Variants in HPSE2 observed in about 807,000 individuals in gnomAD.
HPSE2 encodes heparanase 2 (inactive), also known as inactive heparanase-2.
A neutral mutation model predicts 60.5 loss-of-function variants in HPSE2; 38 were observed. That is an observed-to-expected ratio of 0.63 (90% confidence interval 0.48 to 0.82). The LOEUF (loss-of-function observed/expected upper bound fraction) is 0.82. Among genes scored for constraint, HPSE2 ranks in the 40% least tolerant of loss-of-function variants. The probability of loss-of-function intolerance (pLI) is 0.00; values close to 1 mark genes in which losing one functional copy is unlikely to be tolerated. For missense variants in HPSE2, 713 were observed against 740.4 expected (o/e 0.96, Z 0.43); for synonymous variants, 295 against 293.2 (o/e 1.01, Z -0.06).
the HPSE2 span, among the ~76,000 whole-genome samples, chr10:99,287,029 A>G: frequency 6.6e-5 from 10 of 152,132 alleles, no homozygotes; most frequent in African/African-American, 2.4e-4. Flanking sequence ...ACCTCTCACA[A>G]ACAACATAAT....
chr10:98,748,386 T>G (rs2134344018), intron 3 of HPSE2, among the ~76,000 whole-genome samples: 1 of 152,274 alleles, frequency 6.6e-6, no homozygotes, highest in South Asian at 2.1e-4. Flanking sequence ...TATAGAGAAT[T>G]TAGTAGATAT....
At chr10:99,185,338 A>G (rs1022527794) in intron 2 of HPSE2, among the ~76,000 whole-genome samples, 2 of 152,016 alleles carry the variant, frequency 1.3e-5, no homozygotes, top group African/African-American at 2.4e-5. Flanking sequence ...CTTCTAAACT[A>G]AATGAAAACT....
At chr10:98,693,806 T>TA in intron 6 of HPSE2, 94 bp downstream of exon 6, 1 of 1,048,526 alleles carries the variant, frequency 9.5e-7, no homozygotes, top group Non-Finnish European at 1.5e-6. Context: ...GAAGGATAGC[T>TA]TATTAAATGT....
At chr10:98,878,326 G>A (rs1451768806) in intron 3 of HPSE2, among the ~76,000 whole-genome samples, 1 of 151,952 alleles carries the variant, frequency 6.6e-6, no homozygotes, top group Non-Finnish European at 1.5e-5. Context: ...TGTTTATGCT[G>A]AGACTTGAAA....
chr10:98,816,971 G>A (rs2134594729), intron 3 of HPSE2, among the ~76,000 whole-genome samples: 1 of 152,196 alleles, frequency 6.6e-6, no homozygotes, highest in Admixed American at 6.5e-5. Context: ...GGAATCGGAT[G>A]AGGTACCTAC....
At chr10:98,508,818 A>G (rs1489723600) in intron 9 of HPSE2, among the ~76,000 whole-genome samples, 1 of 152,224 alleles carries the variant, frequency 6.6e-6, no homozygotes, top group Non-Finnish European at 1.5e-5. Flanking sequence ...AGACCAATTC[A>G]GCTGGAGCTC....
the HPSE2 span, among the ~76,000 whole-genome samples, chr10:99,314,690 TTATAA>T: frequency 6.6e-6 from 1 of 152,230 alleles, no homozygotes; most frequent in South Asian, 2.1e-4. Context: ...ATCTGTGCAC[TTATAA>T]TAGTATTAGT....
chr10:98,487,643 C>CT (rs1391444452), intron 10 of HPSE2, among the ~76,000 whole-genome samples: 20 of 152,342 alleles, frequency 1.3e-4, no homozygotes, highest in Admixed American at 1.3e-3. Flanking sequence ...TTAATAGACA[C>CT]TTTCTCTGGA....
chr10:98,932,519 G>T (rs2135114300), intron 3 of HPSE2, among the ~76,000 whole-genome samples: 1 of 143,340 alleles, frequency 7.0e-6, no homozygotes, highest in South Asian at 2.1e-4. Context: ...CTTCACAATT[G>T]TTTGGAATAG....
chr10:99,010,973 C>A (rs1956999155), intron 3 of HPSE2, among the ~76,000 whole-genome samples: 1 of 150,494 alleles, frequency 6.6e-6, no homozygotes, highest in South Asian at 2.1e-4. Flanking sequence ...AACCTAGTAC[C>A]CATCAGTTAT....
At chr10:99,132,960 C>T (rs182946715) in intron 3 of HPSE2, among the ~76,000 whole-genome samples, 1 of 152,304 alleles carries the variant, frequency 6.6e-6, no homozygotes, top group African/African-American at 2.4e-5. Context: ...GTCCCACCCC[C>T]ACAGAGCCCA....
chr10:98,491,159 A>G (rs1941629075), intron 9 of HPSE2, among the ~76,000 whole-genome samples: 1 of 152,084 alleles, frequency 6.6e-6, no homozygotes, highest in Non-Finnish European at 1.5e-5. Context: ...AAAGACATCA[A>G]TCGTGATTTA....
Position 99,207,023 on chromosome 10 carries a change from G to A in HPSE2, c.448+25325C>T, listed in dbSNP as rs1848772018. ...AATAGCAGAATATTTTCCAAATCTA[G>A]AGAAAGATATAAATATCCAGGCACA... On this transcript the variant is annotated intron_variant, in intron 2 of 11. Coordinates refer to ENST00000370552, the MANE Select transcript of HPSE2 (RefSeq NM_021828.5). 2.6e-5 allele frequency among the ~76,000 whole-genome samples: 4 copies of A among 152,194 alleles called. No individual in the cohort carries two copies. The South Asian group carries it at 8.3e-4, about 32-fold the overall frequency.
chr10:98,852,266 C>T (rs1279788220), intron 3 of HPSE2, among the ~76,000 whole-genome samples: 11 of 151,966 alleles, frequency 7.2e-5, no homozygotes, highest in South Asian at 2.1e-4. Context: ...GAATCTCTCT[C>T]ACTCTGACCT....
chr10:99,184,819 T>TATATATATATAGAG (rs1554912295), intron 2 of HPSE2, among the ~76,000 whole-genome samples: 5 of 19,858 alleles, frequency 2.5e-4, no homozygotes, highest in Non-Finnish European at 4.9e-4. Flanking sequence ...TATATATATA[T>TATATATATATAGAG]AGAGAGAGAG....
At chr10:98,541,805 A>C (rs995206146) in intron 9 of HPSE2, among the ~76,000 whole-genome samples, 1 of 152,236 alleles carries the variant, frequency 6.6e-6, no homozygotes, top group South Asian at 2.1e-4. Context: ...TAGGTAAACA[A>C]AGCAGCCAGG....
At chr10:99,228,977 C>A (rs1849561000) in intron 2 of HPSE2, among the ~76,000 whole-genome samples, 1 of 152,026 alleles carries the variant, frequency 6.6e-6, no homozygotes, top group African/African-American at 2.4e-5. Context: ...GAGTTCAAGA[C>A]CAGCCTGGCC....
the HPSE2 span, among the ~76,000 whole-genome samples, chr10:99,300,572 T>C: frequency 6.6e-6 from 1 of 152,304 alleles, no homozygotes; most frequent in Non-Finnish European, 1.5e-5. Flanking sequence ...GCCTGAGTGT[T>C]CTATCCCTCT....
At chr10:99,152,062 C>G (rs1846288951) in intron 2 of HPSE2, among the ~76,000 whole-genome samples, 1 of 151,676 alleles carries the variant, frequency 6.6e-6, no homozygotes, top group Admixed American at 6.6e-5. Flanking sequence ...GCCTGTAATT[C>G]CAGCTTTGGG....
Sources: gnomAD v4.1 joint callset for allele counts (sites outside exome capture counted in the v4.1 genomes callset) on GRCh38, gnomAD v4.1.1 for gene constraint, MANE v1.5 for transcripts, NCBI Gene and HGNC (gene_info 2026-07-23, HGNC 2026-07-21) for gene names.